NFIL3: variants seen among roughly 807,000 people sequenced by gnomAD.
NFIL3 encodes nuclear factor, interleukin 3 regulated, also known as nuclear factor interleukin-3-regulated protein.
A neutral mutation model predicts 10.0 loss-of-function variants in NFIL3; 5 were observed. That is an observed-to-expected ratio of 0.50 (90% CI 0.26 to 1.06). NFIL3 has a LOEUF of 1.06. NFIL3 is among the 50% of genes least tolerant of loss of function. The probability of loss-of-function intolerance (pLI) is 0.13; values close to 1 mark genes in which losing one functional copy is unlikely to be tolerated. For synonymous variants in NFIL3, 202 were observed against 206.5 expected (o/e 0.98, Z 0.19); for missense variants, 436 against 547.6 (o/e 0.80, Z 2.03).
the NFIL3 span, among the ~76,000 whole-genome samples, chr9:91,455,873 A>G: frequency 6.6e-6 from 1 of 152,174 alleles, no homozygotes; most frequent in Non-Finnish European, 1.5e-5. Context: ...TAAAAATTGC[A>G]ACCTCCAGCA....
the NFIL3 span, among the ~76,000 whole-genome samples, chr9:91,480,221 C>A: frequency 6.6e-6 from 1 of 151,576 alleles, no homozygotes; most frequent in African/African-American, 2.4e-5. Flanking sequence ...TGGCTCACTG[C>A]CTCTTCATTC....
the NFIL3 span, among the ~76,000 whole-genome samples, chr9:91,444,549 G>A: frequency 6.6e-6 from 1 of 152,168 alleles, no homozygotes; most frequent in Non-Finnish European, 1.5e-5. Context: ...TGGTGGAGCA[G>A]TCACCTCTCT....
the NFIL3 span, among the ~76,000 whole-genome samples, chr9:91,472,136 A>ATTT: frequency 6.6e-6 from 1 of 151,912 alleles, no homozygotes; most frequent in African/African-American, 2.4e-5. Context: ...TGCCCTTAAC[A>ATTT]TTTTTTCCTT....
chr9:91,435,297 T>G, the NFIL3 span, among the ~76,000 whole-genome samples: 2 of 152,198 alleles, frequency 1.3e-5, no homozygotes, highest in East Asian at 3.9e-4. Flanking sequence ...CTGGAGCTGC[T>G]GGTCAGAAAA....
chr9:91,468,222 C>T, the NFIL3 span, among the ~76,000 whole-genome samples: 2 of 152,140 alleles, frequency 1.3e-5, no homozygotes, highest in East Asian at 1.9e-4. Context: ...TTCTAATGAT[C>T]GCCATTCTAA....
upstream of NFIL3, chr9:91,426,300 T>A (rs770511813): frequency 1.1e-4 from 16 of 152,316 alleles, no homozygotes; most frequent in Non-Finnish European, 1.9e-4. Flanking sequence ...CTCCTCCTGG[T>A]GATTAGGACA....
At chr9:91,470,248 G>T in the NFIL3 span, among the ~76,000 whole-genome samples, 26 of 151,694 alleles carry the variant, frequency 1.7e-4, no homozygotes, top group Admixed American at 5.9e-4. Flanking sequence ...CTTCTTCCTG[G>T]TTTAGTCTTG....
At chr9:91,441,914 G>T in the NFIL3 span, among the ~76,000 whole-genome samples, 1 of 152,128 alleles carries the variant, frequency 6.6e-6, no homozygotes, top group Non-Finnish European at 1.5e-5. Context: ...CTAGAGATAT[G>T]AATGATTCAC....
At chr9:91,434,713 AAATC>A in the NFIL3 span, among the ~76,000 whole-genome samples, 2 of 152,234 alleles carry the variant, frequency 1.3e-5, no homozygotes, top group African/African-American at 4.8e-5. Flanking sequence ...ATTTACAAGA[AAATC>A]AACATCCAAT....
At chr9:91,414,214 T>C (rs531337269) in intron 1 of NFIL3, among the ~76,000 whole-genome samples, 2 of 152,366 alleles carry the variant, frequency 1.3e-5, no homozygotes, top group East Asian at 3.9e-4. Flanking sequence ...TTTGCTTTTT[T>C]GTTTTTGAGA....
chr9:91,483,147 T>G, the NFIL3 span, among the ~76,000 whole-genome samples: 100 of 152,258 alleles, frequency 6.6e-4, no homozygotes, highest in Non-Finnish European at 1.0e-3. Flanking sequence ...ATAAGTCACC[T>G]TCAGAGCCCT....
the NFIL3 span, among the ~76,000 whole-genome samples, chr9:91,448,799 T>C: frequency 6.6e-6 from 1 of 152,222 alleles, no homozygotes; most frequent in Non-Finnish European, 1.5e-5. Context: ...TTGATGGGGA[T>C]TGCATTCAAT....
At chr9:91,455,208 G>T in the NFIL3 span, among the ~76,000 whole-genome samples, 132 of 152,268 alleles carry the variant, frequency 8.7e-4, no homozygotes, top group African/African-American at 3.0e-3. Flanking sequence ...AGATATTTGA[G>T]ACTATGTGAA....
chr9:91,472,220 C>T, the NFIL3 span, among the ~76,000 whole-genome samples: 1,636 of 152,116 alleles, frequency 0.011, 27 homozygotes, highest in African/African-American at 0.037. Context: ...TTGTGGTGTT[C>T]TCTGTATTTC....
At chr9:91,421,452 G>A (rs1310539204) in intron 1 of NFIL3, among the ~76,000 whole-genome samples, 1 of 152,162 alleles carries the variant, frequency 6.6e-6, no homozygotes, top group African/African-American at 2.4e-5. Context: ...AATGTGGGGA[G>A]GGGGCAGGGA....
At chr9:91,475,136 C>A in the NFIL3 span, among the ~76,000 whole-genome samples, 1 of 152,202 alleles carries the variant, frequency 6.6e-6, no homozygotes, top group African/African-American at 2.4e-5. Flanking sequence ...TCATTGTTAT[C>A]ATTTCTCAAG....
the NFIL3 span, among the ~76,000 whole-genome samples, chr9:91,450,313 T>G: frequency 6.6e-6 from 1 of 152,138 alleles, no homozygotes; most frequent in Non-Finnish European, 1.5e-5. Flanking sequence ...ATGTGAGATC[T>G]TCCTTCTTTT....
At chr9:91,481,417 T>C in the NFIL3 span, among the ~76,000 whole-genome samples, 2 of 152,204 alleles carry the variant, frequency 1.3e-5, no homozygotes, top group African/African-American at 4.8e-5. Flanking sequence ...CATCAAAATA[T>C]GTATTTTGAG....
the NFIL3 span, among the ~76,000 whole-genome samples, chr9:91,448,787 T>A: frequency 6.6e-6 from 1 of 152,184 alleles, no homozygotes; most frequent in African/African-American, 2.4e-5. Context: ...GTCATCAGAA[T>A]CTTGATGGGG....
Sources: allele counts gnomAD v4.1 joint callset (sites outside exome capture counted in the v4.1 genomes callset), GRCh38; gene constraint gnomAD v4.1.1; transcripts MANE v1.5; gene names NCBI Gene and HGNC (gene_info 2026-07-23, HGNC 2026-07-21).